PSD3: variants seen among roughly 807,000 people sequenced by gnomAD.
PSD3 encodes PH and SEC7 domain-containing protein 3.
A neutral mutation model predicts 105.5 loss-of-function variants in PSD3; 49 were observed. That is an observed-to-expected ratio of 0.46 (90% confidence interval 0.37 to 0.59). PSD3 has a LOEUF of 0.59. Among genes scored for constraint, PSD3 ranks in the 20% least tolerant of loss-of-function variants. PSD3 has a pLI of 0.00. For missense variants in PSD3, 1,561 were observed against 1,263.8 expected, an observed-to-expected ratio of 1.24 and a Z score of -3.57; for synonymous variants, 557 against 457.8, an observed-to-expected ratio of 1.22 and a Z score of -2.77.
rs1184915491 is a variant in PSD3 at position 18,867,718 on chromosome 8, G to C, written c.1590C>G (p.Asp530Glu). ...CCGGGGTGCCTTTCGTGTAGATGGA[G>C]TCGCTGGCATCATTCAGCCCATTGG... ...GVTNGLNDAS[D>E]SIYTKGTPEI... The change falls in exon 4 of 16, where the codon GAC becomes GAG. Residue 530 changes from aspartate (D) to glutamate (E), a missense_variant. By Grantham distance (45) the Asp-to-Glu change is conservative. Coordinates refer to ENST00000327040, the MANE Select transcript of PSD3 (RefSeq NM_015310.4). 2 of 1,613,862 alleles carry C rather than the reference G, an allele frequency of 1.2e-6. No homozygotes were observed. The highest frequency in any genetic ancestry group is 1.7e-6 in the Non-Finnish European group (2 of 1,179,958).
chr8:19,005,769 G>T (rs983016677), intron 1 of PSD3, among the ~76,000 whole-genome samples: 1 of 151,986 alleles, frequency 6.6e-6, no homozygotes, highest in African/African-American at 2.4e-5. Context: ...GATTACAGGT[G>T]TGAGCCACTG....
Position 18,775,379 on chromosome 8 carries a change from G to T in PSD3, c.2083-9841C>A, listed in dbSNP as rs143922228. Among the ~76,000 whole-genome samples, 704 of 152,194 alleles carry T rather than the reference G, an allele frequency of 4.6e-3. 8 individuals are homozygous for T. The highest frequency in any genetic ancestry group is 0.014 in the African/African-American group (563 of 41,524). ...TTCGTTTCTTTTAAATATATACCAA[G>T]CAGTGGGAATGGAGAGTCATATGGT... is the stretch of plus-strand genomic sequence containing the variant. On this transcript the variant is annotated intron_variant, in intron 8 of 15. Transcript: ENST00000327040.
chr8:18,617,357 C>T (rs902134544), intron 11 of PSD3, among the ~76,000 whole-genome samples: 17 of 151,878 alleles, frequency 1.1e-4, no homozygotes, highest in Admixed American at 1.3e-4. Context: ...ATGGTGAAAC[C>T]CCATCTCTAC....
chr8:18,817,050 G>C (rs1398752366), intron 4 of PSD3, among the ~76,000 whole-genome samples: 1 of 152,218 alleles, frequency 6.6e-6, no homozygotes, highest in Non-Finnish European at 1.5e-5. Flanking sequence ...CGTTTGGTAA[G>C]TTTTAAGTGA....
intron 15 of PSD3, among the ~76,000 whole-genome samples, chr8:18,545,265 A>T (rs542901136): frequency 6.2e-4 from 95 of 152,300 alleles, no homozygotes; most frequent in Middle Eastern, 3.4e-3. Flanking sequence ...CTAGGTGGAA[A>T]ACTCAAGAAA....
rs138735664 is a variant in PSD3 at position 18,980,167 on chromosome 8, G to T, written c.21+33396C>A. Among the ~76,000 whole-genome samples, 572 of 152,298 alleles carry T rather than the reference G, an allele frequency of 3.8e-3. 2 individuals carry two copies. The highest frequency in any genetic ancestry group is 6.5e-3 in the Non-Finnish European group (442 of 68,016). On this transcript the variant is annotated intron_variant, in intron 1 of 15. Transcript: ENST00000327040. ...GTCTGCCAAACACTATGGAAGGCAC[G>T]AGGTATGTGAGTGAGACTCCACCTC...
At chr8:18,993,437 C>G (rs866957395) in intron 1 of PSD3, among the ~76,000 whole-genome samples, 12 of 149,570 alleles carry the variant, frequency 8.0e-5, no homozygotes, top group Non-Finnish European at 9.1e-5. Flanking sequence ...GTTTCTGGCA[C>G]TTATTTATTG....
At chr8:18,821,128 G>A (rs1331289582) in intron 4 of PSD3, among the ~76,000 whole-genome samples, 5 of 151,356 alleles carry the variant, frequency 3.3e-5, no homozygotes, top group Non-Finnish European at 2.9e-5. Context: ...AAACAATGAC[G>A]GCATAAAAAT....
intron 9 of PSD3, chr8:18,732,969 C>T (rs570769636): frequency 2.6e-5 from 4 of 152,266 alleles, no homozygotes; most frequent in Admixed American, 2.0e-4. Flanking sequence ...CCATCTTCTG[C>T]CCTTGACTCT....
chr8:19,008,958 T>C (rs950723813), intron 1 of PSD3, among the ~76,000 whole-genome samples: 15 of 152,260 alleles, frequency 9.9e-5, no homozygotes, highest in African/African-American at 3.4e-4. Context: ...CCTCTGTGGT[T>C]GAAGCATCTA....
At chr8:18,684,436 C>T (rs926189839) in intron 9 of PSD3, among the ~76,000 whole-genome samples, 2 of 152,002 alleles carry the variant, frequency 1.3e-5, no homozygotes, top group East Asian at 1.9e-4. Context: ...GGGGTGGGAA[C>T]GTAGCTGAAT....
At chr8:18,601,865 G>T (rs1357893986) in intron 11 of PSD3, among the ~76,000 whole-genome samples, 1 of 152,212 alleles carries the variant, frequency 6.6e-6, no homozygotes, top group Non-Finnish European at 1.5e-5. Context: ...TGAGAGGGCT[G>T]CTGCAGAGCA....
At chr8:18,920,481 G>A (rs544735974) in intron 2 of PSD3, among the ~76,000 whole-genome samples, 5 of 152,302 alleles carry the variant, frequency 3.3e-5, no homozygotes, top group South Asian at 2.1e-4. Context: ...GAGCATGAGC[G>A]CTGCTTTCTT....
Position 18,965,493 on chromosome 8 carries a change from G to A in PSD3, c.22-29351C>T, listed in dbSNP as rs547225965. On this transcript the variant is annotated intron_variant, in intron 1 of 15. Transcript: ENST00000327040. ...GACAGTGACAGCAAGCATCACACAC[G>A]CTAGTGAGAAAGGACCCATGCCCGG... 4.6e-5 allele frequency among the ~76,000 whole-genome samples: 7 copies of A among 152,300 alleles called. No homozygotes were observed. In the East Asian group the frequency reaches 7.7e-4, roughly 17 times the overall value.
At chr8:18,588,367 G>A (rs1183323925) in intron 12 of PSD3, among the ~76,000 whole-genome samples, 1 of 152,150 alleles carries the variant, frequency 6.6e-6, no homozygotes, top group Non-Finnish European at 1.5e-5. Context: ...TAGGATCTGT[G>A]CAAGGTTTCC....
At chr8:18,752,806 A>G (rs576341674) in intron 9 of PSD3, among the ~76,000 whole-genome samples, 92 of 148,504 alleles carry the variant, frequency 6.2e-4, no homozygotes, top group Non-Finnish European at 1.1e-3. Context: ...TTTGCCTTTC[A>G]TTGCTGTTTT....
At chr8:18,961,648 G>A (rs1413042649) in intron 1 of PSD3, among the ~76,000 whole-genome samples, 6 of 152,146 alleles carry the variant, frequency 3.9e-5, no homozygotes, top group East Asian at 3.9e-4. Flanking sequence ...CCGAGATCAC[G>A]CTACTGCACT....
intron 11 of PSD3, among the ~76,000 whole-genome samples, chr8:18,611,956 C>T (rs531273776): frequency 1.3e-5 from 2 of 152,346 alleles, no homozygotes; most frequent in South Asian, 4.1e-4. Context: ...ATTAATTTCC[C>T]TCTTACCTTT....
intron 9 of PSD3, among the ~76,000 whole-genome samples, chr8:18,698,135 G>A (rs1801365015): frequency 6.6e-6 from 1 of 152,142 alleles, no homozygotes; most frequent in African/African-American, 2.4e-5. Context: ...GTCTCACTCT[G>A]TAGCCCAGGC....
Sources: allele counts gnomAD v4.1 joint callset (sites outside exome capture counted in the v4.1 genomes callset), GRCh38; gene constraint gnomAD v4.1.1; transcripts MANE v1.5; gene names NCBI Gene and HGNC (gene_info 2026-07-23, HGNC 2026-07-21).